Variants in NAALADL2 observed in about 807,000 individuals in gnomAD.
The protein encoded by NAALADL2 is inactive N-acetylated-alpha-linked acidic dipeptidase-like protein 2.
Under a neutral mutation model 87.2 loss-of-function variants are expected in NAALADL2, and 76 were observed. The observed-to-expected ratio is 0.87, with a 90% CI of 0.72 to 1.05. NAALADL2 has a LOEUF of 1.05. Ranked by LOEUF, NAALADL2 falls within the 50% of genes least tolerant of loss-of-function variation. The pLI is 0.00. For missense variants in NAALADL2, 1,089 were observed against 945.8 expected (o/e 1.15, Z -1.99); for synonymous variants, 354 against 331.0 (o/e 1.07, Z -0.75).
chr3:174,916,065 G>C (rs1049196689), intron 1 of NAALADL2, among the ~76,000 whole-genome samples: 1 of 152,018 alleles, frequency 6.6e-6, no homozygotes, highest in African/African-American at 2.4e-5. Context: ...CAAAGGACAT[G>C]AATATACCTT....
chr3:175,288,157 C>T (rs2110123628), intron 4 of NAALADL2, among the ~76,000 whole-genome samples: 1 of 152,266 alleles, frequency 6.6e-6, no homozygotes, highest in South Asian at 2.1e-4. Context: ...TCTCAGCTCA[C>T]TGCAACCTCT....
chr3:174,638,596 A>T (rs78256887), intron 2 of NAALADL2, among the ~76,000 whole-genome samples: 20,048 of 151,502 alleles, frequency 0.13, 1,460 homozygotes, highest in South Asian at 0.26. Flanking sequence ...GTTTTTTTTT[A>T]AAAAAAACTT....
At chr3:174,625,266 C>T (rs1466030826) in intron 2 of NAALADL2, among the ~76,000 whole-genome samples, 1 of 151,928 alleles carries the variant, frequency 6.6e-6, no homozygotes, top group Admixed American at 6.6e-5. Flanking sequence ...CCATGTTGGC[C>T]AGGCTGGTCT....
intron 4 of NAALADL2, among the ~76,000 whole-genome samples, chr3:175,301,096 CTT>C (rs1421157596): frequency 5.9e-5 from 9 of 152,076 alleles, no homozygotes; most frequent in Admixed American, 5.9e-4. Context: ...GTCTCTGTCT[CTT>C]TCAGTTTTGC....
At chr3:175,785,533 C>A (rs1751809286) in intron 13 of NAALADL2, among the ~76,000 whole-genome samples, 1 of 131,848 alleles carries the variant, frequency 7.6e-6, no homozygotes, top group African/African-American at 3.1e-5. Flanking sequence ...CAACCCCTGC[C>A]TTTTTTTGTT....
chr3:175,044,451 T>G (rs1393393236), intron 1 of NAALADL2, among the ~76,000 whole-genome samples: 1 of 152,176 alleles, frequency 6.6e-6, no homozygotes, highest in South Asian at 2.1e-4. Flanking sequence ...ACATTTATTG[T>G]CTTTCCATCT....
chr3:175,794,166 C>CA (rs1490028953), intron 13 of NAALADL2, among the ~76,000 whole-genome samples: 1 of 152,044 alleles, frequency 6.6e-6, no homozygotes, highest in Non-Finnish European at 1.5e-5. Flanking sequence ...TATTAATTGT[C>CA]AAAAGCCTGT....
chr3:175,300,790 T>TA lies in NAALADL2; in HGVS notation c.940-23385_940-23384insA, dbSNP rs1172088541. Among the ~76,000 whole-genome samples, 452 of 143,230 alleles carry TA rather than the reference T, an allele frequency of 3.2e-3. 3 individuals carry two copies. The highest frequency in any genetic ancestry group is 8.4e-3 in the African/African-American group (306 of 36,248). The allele number at this position is 143,230 out of a possible 152,430, so 94.0% of individuals were successfully genotyped here. ...TTATTTATTTATTTATTTATTTATT[T>TA]TATTTTATTTTATTTATTTTGAGCT... On this transcript the variant is annotated intron_variant, in intron 4 of 13. Coordinates refer to ENST00000454872, the MANE Select transcript of NAALADL2 (RefSeq NM_207015.3).
chr3:175,459,768 C>A (rs1218500229), intron 6 of NAALADL2, among the ~76,000 whole-genome samples: 1 of 152,082 alleles, frequency 6.6e-6, no homozygotes, highest in Non-Finnish European at 1.5e-5. Flanking sequence ...AGACTTTTTA[C>A]AACAGTGCCT....
intron 9 of NAALADL2, among the ~76,000 whole-genome samples, chr3:175,559,021 G>A (rs911432542): frequency 2.6e-5 from 4 of 152,052 alleles, no homozygotes; most frequent in South Asian, 2.1e-4. Context: ...TGGGTAGTAC[G>A]GACATTTTAA....
intron 6 of NAALADL2, among the ~76,000 whole-genome samples, chr3:175,460,615 A>C (rs1438888269): frequency 6.6e-6 from 1 of 152,208 alleles, no homozygotes; most frequent in Non-Finnish European, 1.5e-5. Flanking sequence ...CTCTGAAGGA[A>C]ATTTAAAAGC....
intron 11 of NAALADL2, among the ~76,000 whole-genome samples, chr3:175,691,417 CA>C (rs1235495013): frequency 6.6e-6 from 1 of 151,480 alleles, no homozygotes; most frequent in African/African-American, 2.4e-5. Context: ...TGTATACACA[CA>C]AAAAATTTCT....
chr3:175,370,313 G>C (rs1012336936), intron 5 of NAALADL2, among the ~76,000 whole-genome samples: 5 of 151,884 alleles, frequency 3.3e-5, no homozygotes, highest in Non-Finnish European at 5.9e-5. Flanking sequence ...ATAGGTTTTG[G>C]TTATTTCTTT....
At chr3:174,452,974 G>C (rs1458486450) in intron 1 of NAALADL2, among the ~76,000 whole-genome samples, 1 of 152,048 alleles carries the variant, frequency 6.6e-6, no homozygotes, top group Non-Finnish European at 1.5e-5. Flanking sequence ...ACTATAGATA[G>C]GAATGAAGAT....
chr3:175,515,223 A>G (rs1208759764), intron 9 of NAALADL2, among the ~76,000 whole-genome samples: 4 of 152,184 alleles, frequency 2.6e-5, no homozygotes, highest in Non-Finnish European at 5.9e-5. Context: ...AAAATAGGCT[A>G]TAAATTAGAG....
chr3:174,491,893 A>G (rs1311366319), intron 1 of NAALADL2, among the ~76,000 whole-genome samples: 2 of 152,176 alleles, frequency 1.3e-5, no homozygotes, highest in East Asian at 1.9e-4. Context: ...TTTTTTCTCT[A>G]TCAATAAAGA....
chr3:174,758,248 T>A (rs1314750147), intron 3 of NAALADL2, among the ~76,000 whole-genome samples: 1 of 152,216 alleles, frequency 6.6e-6, no homozygotes, highest in Non-Finnish European at 1.5e-5. Context: ...ACACAAATTA[T>A]GTTATGTATT....
intron 2 of NAALADL2, among the ~76,000 whole-genome samples, chr3:174,723,505 C>T (rs1731884768): frequency 6.6e-6 from 1 of 152,052 alleles, no homozygotes. Flanking sequence ...CCTGCAATCC[C>T]AGCACTTTGG....
chr3:175,077,827 AAAG>A (rs147860995), intron 1 of NAALADL2, among the ~76,000 whole-genome samples: 16 of 152,242 alleles, frequency 1.1e-4, no homozygotes, highest in African/African-American at 3.8e-4. Context: ...GTATACGGAA[AAAG>A]AAGAAGGAAT....
Sources: allele counts gnomAD v4.1 joint callset (sites outside exome capture counted in the v4.1 genomes callset), GRCh38; gene constraint gnomAD v4.1.1; transcripts MANE v1.5; gene names NCBI Gene and HGNC (gene_info 2026-07-23, HGNC 2026-07-21).